The following PALS1 variants were observed in gnomAD, a reference collection of about 807,000 sequenced individuals.
PALS1 encodes protein PALS1.
A neutral mutation model predicts 78.9 loss-of-function variants in PALS1; 31 were observed. That is an observed-to-expected ratio of 0.39 (90% CI 0.30 to 0.53). The LOEUF (loss-of-function observed/expected upper bound fraction) is 0.53. PALS1 is among the 20% of genes least tolerant of loss of function. PALS1 has a pLI of 0.67. For synonymous variants in PALS1, 276 were observed against 270.9 expected, an observed-to-expected ratio of 1.02 and a Z score of -0.18; for missense variants, 704 against 826.5, an observed-to-expected ratio of 0.85 and a Z score of 1.82.
intron 4 of PALS1, among the ~76,000 whole-genome samples, chr14:67,296,226 A>G (rs1005798177): frequency 2.0e-5 from 3 of 152,164 alleles, no homozygotes; most frequent in Admixed American, 6.5e-5. Context: ...TCCATGCTCA[A>G]AGGGTACAGA....
In PALS1 at chr14:67,320,414, T is replaced by A; in HGVS notation, c.1537+17T>A. 1 of 1,574,080 alleles carries A rather than the reference T, an allele frequency of 6.4e-7. No individual in the cohort carries two copies. The highest frequency in any genetic ancestry group is 8.6e-7 in the Non-Finnish European group (1 of 1,161,270). ...CAGTTCCTCGTAAGTTTGAATGCAT[T>A]CCCATTTTCCTGTGCTTTTCAATTT... On this transcript the variant is annotated intron_variant, in intron 12 of 14. Transcript: ENST00000261681.
intron 14 of PALS1, 72 bp from the exon 15 acceptor site, chr14:67,332,708 C>T: frequency 6.9e-7 from 1 of 1,448,158 alleles, no homozygotes; most frequent in African/African-American, 1.4e-5. Context: ...TGTTCTTTGG[C>T]CATCTCTGAC....
intron 14 of PALS1, among the ~76,000 whole-genome samples, chr14:67,325,040 G>A (rs973650946): frequency 1.3e-5 from 2 of 151,524 alleles, no homozygotes; most frequent in East Asian, 3.9e-4. Flanking sequence ...TAGCAGCTGG[G>A]ACTACAGGTG....
intron 2 of PALS1, among the ~76,000 whole-genome samples, chr14:67,276,283 T>TC (rs2084503659): frequency 6.6e-6 from 1 of 152,242 alleles, no homozygotes; most frequent in Non-Finnish European, 1.5e-5. Flanking sequence ...GTTCCCATTG[T>TC]CCCATCCAGC....
intron 3 of PALS1, among the ~76,000 whole-genome samples, chr14:67,292,277 T>C (rs1323154813): frequency 1.3e-5 from 2 of 152,200 alleles, no homozygotes; most frequent in African/African-American, 4.8e-5. Flanking sequence ...TGAATGTGTA[T>C]TAGTTTTATA....
chr14:67,309,275 T>C (rs1156478916), intron 8 of PALS1, among the ~76,000 whole-genome samples: 5 of 152,184 alleles, frequency 3.3e-5, no homozygotes, highest in Admixed American at 6.5e-5. Context: ...AGATAACTTC[T>C]AGAACTGGTA....
At chr14:67,271,982 A>G (rs2084414234) in intron 2 of PALS1, 1 of 151,832 alleles carries the variant, frequency 6.6e-6, no homozygotes, top group Admixed American at 6.6e-5. Context: ...GAGGCAAGAG[A>G]ATCGTTTGAA....
At chr14:67,306,796 G>C (rs1268186694) in intron 8 of PALS1, among the ~76,000 whole-genome samples, 1 of 152,182 alleles carries the variant, frequency 6.6e-6, no homozygotes, top group Non-Finnish European at 1.5e-5. Context: ...AAAGGAAACA[G>C]TAATAGGAAA....
intron 4 of PALS1, among the ~76,000 whole-genome samples, chr14:67,296,584 TCAAAAAAAAAAA>T (rs1595594568): frequency 4.2e-5 from 1 of 23,698 alleles, no homozygotes; most frequent in Admixed American, 6.7e-4. Flanking sequence ...AAACTCTGTC[TCAAAAAAAAAAA>T]AAAAAAAAAA....
At chr14:67,280,282 C>G (rs1419614318) in intron 3 of PALS1, among the ~76,000 whole-genome samples, 1 of 152,224 alleles carries the variant, frequency 6.6e-6, no homozygotes, top group Non-Finnish European at 1.5e-5. Flanking sequence ...GCCCTTCTTG[C>G]ACGTGCACAT....
rs147144654 is a variant in PALS1 at position 67,334,727 on chromosome 14, T to G, written c.*1771T>G. On this transcript the variant is annotated 3_prime_UTR_variant, in exon 15 of 15. Transcript: ENST00000261681. ...TGCCATACACTACTGTCTCTTCAGA[T>G]CTGAAATACTCCAGTTTAGAGCCAG... The G allele has an allele frequency of 6.6e-6, 1 of 152,256 alleles. No homozygotes were observed. The highest frequency in any genetic ancestry group is 1.5e-5 in the Non-Finnish European group (1 of 68,036). The allele number at this position is 152,256 out of a possible 1,614,324, so 9.4% of individuals were successfully genotyped here.
In PALS1 at chr14:67,276,780, G is replaced by C. The variant is rs73280980; in HGVS notation, c.-153-2238G>C. On this transcript the variant is annotated intron_variant, in intron 2 of 14. Transcript: ENST00000261681. ...GCAAAGGTTGGATCCAGATATACAA[G>C]TATGATAGTAAATAGTACAAGCATG... 2.0e-3 allele frequency among the ~76,000 whole-genome samples: 301 copies of C among 152,260 alleles called. 3 individuals carry two copies. The highest frequency in any genetic ancestry group is 6.9e-3 in the African/African-American group (285 of 41,566).
chr14:67,265,956 TA>T (rs1301079032), intron 1 of PALS1, among the ~76,000 whole-genome samples: 1 of 152,112 alleles, frequency 6.6e-6, no homozygotes, highest in Admixed American at 6.5e-5. Context: ...AAAAAACTTT[TA>T]AAAAAAATCT....
chr14:67,320,015 C>G (rs1424828554), intron 11 of PALS1, among the ~76,000 whole-genome samples: 3 of 152,112 alleles, frequency 2.0e-5, no homozygotes, highest in African/African-American at 4.8e-5. Flanking sequence ...ATTAGACATT[C>G]AAGCATGAAT....
intron 14 of PALS1, among the ~76,000 whole-genome samples, chr14:67,324,246 A>T (rs756462938): frequency 7.9e-5 from 12 of 152,048 alleles, no homozygotes; most frequent in Non-Finnish European, 1.3e-4. Flanking sequence ...GAACAGAAAA[A>T]TTTTTTTAAA....
At chr14:67,320,811 G>A (rs1466020991) in intron 12 of PALS1, among the ~76,000 whole-genome samples, 2 of 152,110 alleles carry the variant, frequency 1.3e-5, no homozygotes, top group Admixed American at 1.3e-4. Context: ...GAAGTAACTT[G>A]AAGTGTAAGC....
At chr14:67,301,366 T>G (rs760550209) in intron 4 of PALS1, 23 bp from the exon 5 acceptor site, 4 of 1,563,578 alleles carry the variant, frequency 2.6e-6, no homozygotes, top group Non-Finnish European at 3.5e-6. Flanking sequence ...CTAGGAAGAA[T>G]AATCTTTATT....
At chr14:67,271,126 T>C (rs1038325250) in intron 2 of PALS1, 3 of 152,230 alleles carry the variant, frequency 2.0e-5, no homozygotes, top group Admixed American at 6.5e-5. Flanking sequence ...GCTCATATAC[T>C]TAATTAAGCA....
At chr14:67,323,615 AATATAT>A (rs150511527) in intron 13 of PALS1, 81 bp from the exon 14 acceptor site, 65 of 260,298 alleles carry the variant, frequency 2.5e-4, no homozygotes, top group Middle Eastern at 1.4e-3. Context: ...CCCTTAATCT[AATATAT>A]ATATATATAT....
Sources: allele counts gnomAD v4.1 joint callset (sites outside exome capture counted in the v4.1 genomes callset), GRCh38; gene constraint gnomAD v4.1.1; transcripts MANE v1.5; gene names NCBI Gene and HGNC (gene_info 2026-07-23, HGNC 2026-07-21).